ARAP2: variants seen among roughly 807,000 people sequenced by gnomAD.
ARAP2 encodes arf-GAP with Rho-GAP domain, ANK repeat and PH domain-containing protein 2.
Under a neutral mutation model 194.5 loss-of-function variants are expected in ARAP2, and 148 were observed. That is an observed-to-expected ratio of 0.76 (90% CI 0.67 to 0.87). The LOEUF is 0.87. Ranked by LOEUF, ARAP2 falls within the 40% of genes least tolerant of loss-of-function variation. The pLI is 0.00. For missense variants in ARAP2, 2,128 were observed against 1,989.7 expected (o/e 1.07, Z -1.32); for synonymous variants, 695 against 683.5 (o/e 1.02, Z -0.26).
chr4:36,047,113 T>C (rs1027186585), intron 3 of ARAP2: 3 of 152,222 alleles, frequency 2.0e-5, no homozygotes, highest in Admixed American at 6.5e-5. Context: ...TACGTTGTGC[T>C]ATGTCTTCAT....
At chr4:36,074,489 G>A (rs1009737267) in intron 31 of ARAP2, among the ~76,000 whole-genome samples, 14 of 151,982 alleles carry the variant, frequency 9.2e-5, no homozygotes, top group South Asian at 4.1e-4. Context: ...AATGTTCACA[G>A]GTAAAAATAT....
intron 8 of ARAP2, among the ~76,000 whole-genome samples, chr4:36,178,454 A>C (rs1361694149): frequency 1.3e-5 from 2 of 152,170 alleles, no homozygotes; most frequent in Non-Finnish European, 2.9e-5. Flanking sequence ...GACCCCGAAA[A>C]TCCTACTTCC....
At chr4:36,156,803 T>C (rs1263970629) in intron 15 of ARAP2, among the ~76,000 whole-genome samples, 1 of 152,228 alleles carries the variant, frequency 6.6e-6, no homozygotes, top group Non-Finnish European at 1.5e-5. Flanking sequence ...TATTGAATTA[T>C]ACAGACAAAA....
At chr4:36,227,262 A>G (rs1381125704) in intron 2 of ARAP2, among the ~76,000 whole-genome samples, 1 of 152,132 alleles carries the variant, frequency 6.6e-6, no homozygotes, top group Non-Finnish European at 1.5e-5. Context: ...AGTGGCCCTT[A>G]TATTAGATAA....
intron 5 of ARAP2, among the ~76,000 whole-genome samples, chr4:36,045,536 G>A (rs1230958352): frequency 1.3e-5 from 2 of 152,126 alleles, no homozygotes; most frequent in Admixed American, 6.5e-5. Context: ...CAGAGGCTGG[G>A]GGGTTGGAAA....
At chr4:36,125,984 C>T (rs1723798827) in intron 21 of ARAP2, among the ~76,000 whole-genome samples, 1 of 151,888 alleles carries the variant, frequency 6.6e-6, no homozygotes, top group Non-Finnish European at 1.5e-5. Context: ...CATTAGGATC[C>T]CTGGCTAGGT....
intron 2 of ARAP2, among the ~76,000 whole-genome samples, chr4:36,227,592 C>T (rs1311342128): frequency 1.3e-5 from 2 of 152,032 alleles, no homozygotes; most frequent in African/African-American, 2.4e-5. Flanking sequence ...GAATCAGTAG[C>T]GGCCACAGAT....
chr4:36,148,545 AT>A, intron 16 of ARAP2, 38 bp from the exon 17 acceptor site: 1 of 1,446,830 alleles, frequency 6.9e-7, no homozygotes, highest in Middle Eastern at 1.8e-4. Flanking sequence ...TACCAGTTAT[AT>A]TTAGCTCTTA....
chr4:36,068,268 G>A lies in ARAP2; in HGVS notation c.4754C>T (p.Ala1585Val). The A allele has an allele frequency of 1.3e-6, 2 of 1,530,412 alleles. No homozygotes were observed. The highest frequency in any genetic ancestry group is 1.4e-5 in the African/African-American group (1 of 71,798). 94.8% of individuals were successfully genotyped at this position (1,530,412 alleles called of 1,614,324 possible). ...LARKNIESAR[A>V]ELERLRLSEK... ...ACTGAGCCGCAGCCTTTCAAGTTCT[G>A]CTCTTGCACTCTAAAAATAAAATTA... Residue 1585 changes from alanine to valine, a missense_variant, in exon 33 of 33, where the codon GCA becomes GTA. Coordinates refer to ENST00000303965, the MANE Select transcript of ARAP2 (RefSeq NM_015230.4).
At chr4:36,117,001 A>T in intron 25 of ARAP2, 60 bp downstream of exon 25, 1 of 1,144,628 alleles carries the variant, frequency 8.7e-7, no homozygotes. Context: ...AAAATATATA[A>T]AATAATGCTA....
chr4:36,103,858 G>T (rs763468813), intron 27 of ARAP2, among the ~76,000 whole-genome samples: 1 of 151,756 alleles, frequency 6.6e-6, no homozygotes, highest in Non-Finnish European at 1.5e-5. Context: ...GATAAAGAAA[G>T]AAAATTGAGA....
In ARAP2 at chr4:36,159,335, G is replaced by T. The variant is rs778463970; in HGVS notation, c.2613C>A (p.Phe871Leu). 19 of 1,598,044 alleles carry T rather than the reference G, an allele frequency of 1.2e-5. No individual in the cohort carries two copies. The highest frequency in any genetic ancestry group is 1.6e-5 in the Non-Finnish European group (19 of 1,170,272). ...AATGAAGAGACAGTGACGAACCTGA[G>T]AATTTGTTATGGTAGAGAAATTCCA... ...LQMEFLYHNK[F>L]SDFPQHDIHS... The change falls in exon 14 of 33, where the codon TTC (phenylalanine) becomes TTA (leucine). Residue 871 changes from phenylalanine (F) to leucine (L), a missense_variant. Transcript: ENST00000303965.
intron 28 of ARAP2, among the ~76,000 whole-genome samples, chr4:36,084,958 A>C (rs1730469285): frequency 1.3e-5 from 2 of 151,770 alleles, no homozygotes; most frequent in South Asian, 4.2e-4. Context: ...TCAGAAAAAA[A>C]TCTTATCTAC....
intron 5 of ARAP2, among the ~76,000 whole-genome samples, chr4:36,044,368 C>G (rs1721455623): frequency 6.6e-6 from 1 of 152,076 alleles, no homozygotes; most frequent in Non-Finnish European, 1.5e-5. Flanking sequence ...AAGTGGTTTG[C>G]TATTGAGATA....
chr4:36,192,535 A>C (rs1742155348), intron 7 of ARAP2, among the ~76,000 whole-genome samples: 2 of 152,162 alleles, frequency 1.3e-5, no homozygotes, highest in African/African-American at 4.8e-5. Flanking sequence ...ACTCCTGAGT[A>C]GTTTTCCTCC....
At chr4:36,044,379 T>C (rs888077982) in intron 5 of ARAP2, among the ~76,000 whole-genome samples, 1 of 152,128 alleles carries the variant, frequency 6.6e-6, no homozygotes, top group Non-Finnish European at 1.5e-5. Flanking sequence ...TATTGAGATA[T>C]TGGGAGGTAG....
intron 2 of ARAP2, 85 bp from the exon 3 acceptor site, chr4:36,214,565 G>A: frequency 1.2e-6 from 1 of 832,118 alleles, no homozygotes. Context: ...AAAATATTAT[G>A]AGAAAATATT....
rs1212200900 is a variant in ARAP2 at position 36,014,296 on chromosome 4, A to G, written n.1056+1090T>C. On this transcript the variant is annotated intron_variant and non_coding_transcript_variant, in intron 8 of 12. Transcript: ENST00000503225. Reference sequence around the variant, plus strand: ...AAGAAAGAAAGAAAGAAAGAAAGAAAGAAGAGAAGGAAGGAAAGAAAGAAA... The same window carrying G: ...AAGAAAGAAAGAAAGAAAGAAAGAAGGAAGAGAAGGAAGGAAAGAAAGAAA... 1.0e-3 allele frequency among the ~76,000 whole-genome samples: 145 copies of G among 138,514 alleles called. 5 individuals are homozygous for G. Among genetic ancestry groups the G allele is most frequent in the African/African-American group, 3.4e-3 (118 of 34,798 alleles). 90.9% of individuals were successfully genotyped at this position (138,514 alleles called of 152,430 possible).
intron 19 of ARAP2, among the ~76,000 whole-genome samples, chr4:36,140,480 G>A (rs1209935882): frequency 6.6e-6 from 1 of 151,702 alleles, no homozygotes; most frequent in East Asian, 1.9e-4. Flanking sequence ...TTCAGATTAA[G>A]CCATCTCTAA....
Sources: allele counts gnomAD v4.1 joint callset (sites outside exome capture counted in the v4.1 genomes callset), GRCh38; gene constraint gnomAD v4.1.1; transcripts MANE v1.5; gene names NCBI Gene and HGNC (gene_info 2026-07-23, HGNC 2026-07-21).